PCDH15: variants seen among roughly 807,000 people sequenced by gnomAD.
The protein encoded by PCDH15 is protocadherin related 15, also known as protocadherin-15.
In PCDH15, 129 loss-of-function variants were observed where a neutral mutation model predicts 178.5. The observed-to-expected ratio is 0.72, with a 90% CI of 0.63 to 0.84. The LOEUF is 0.84. Among genes scored for constraint, PCDH15 ranks in the 40% least tolerant of loss-of-function variants. PCDH15 has a pLI of 0.00. For missense variants in PCDH15, 2,230 were observed against 2,099.9 expected (o/e 1.06, Z -1.21); for synonymous variants, 800 against 732.0 (o/e 1.09, Z -1.50).
At chr10:53,936,540 C>T (rs2085588876) in intron 25 of PCDH15, among the ~76,000 whole-genome samples, 1 of 151,980 alleles carries the variant, frequency 6.6e-6, no homozygotes, top group Admixed American at 6.6e-5. Context: ...TGGAGGTTCA[C>T]CGTAATATTC....
intron 1 of PCDH15, among the ~76,000 whole-genome samples, chr10:55,250,776 C>A (rs999292276): frequency 6.6e-6 from 1 of 151,714 alleles, no homozygotes; most frequent in Non-Finnish European, 1.5e-5. Flanking sequence ...ACCTCGTGAT[C>A]CACCCGCCTC....
intron 2 of PCDH15, among the ~76,000 whole-genome samples, chr10:55,531,191 C>T (rs796445223): frequency 2.3e-4 from 35 of 152,022 alleles, no homozygotes; most frequent in African/African-American, 7.9e-4. Context: ...GATGTAGTGA[C>T]AAGTTCACTT....
chr10:54,631,142 C>T (rs1291095010), intron 2 of PCDH15, among the ~76,000 whole-genome samples: 1 of 152,032 alleles, frequency 6.6e-6, no homozygotes, highest in Non-Finnish European at 1.5e-5. Flanking sequence ...TGGTGCTGTC[C>T]TCATGACAGT....
At chr10:54,273,986 G>A (rs2058198290) in intron 8 of PCDH15, among the ~76,000 whole-genome samples, 1 of 151,998 alleles carries the variant, frequency 6.6e-6, no homozygotes, top group Admixed American at 6.6e-5. Flanking sequence ...TTCTTTGCAG[G>A]GATGTGGATG....
At chr10:53,944,203 T>A (rs893050938) in intron 23 of PCDH15, among the ~76,000 whole-genome samples, 1 of 152,172 alleles carries the variant, frequency 6.6e-6, no homozygotes, top group African/African-American at 2.4e-5. Context: ...TAAAGGAAAT[T>A]GAAAATTTTG....
chr10:54,408,203 A>C (rs888223718), intron 3 of PCDH15, among the ~76,000 whole-genome samples: 1 of 151,760 alleles, frequency 6.6e-6, no homozygotes, highest in Non-Finnish European at 1.5e-5. Flanking sequence ...CTTTCTCTCT[A>C]TATAGAACTA....
intron 2 of PCDH15, among the ~76,000 whole-genome samples, chr10:55,527,867 G>C (rs1841337665): frequency 6.6e-6 from 1 of 151,730 alleles, no homozygotes; most frequent in Non-Finnish European, 1.5e-5. Context: ...TTTTTCTTCT[G>C]ACAACAATGA....
At chr10:54,482,424 G>A (rs560644946) in intron 3 of PCDH15, among the ~76,000 whole-genome samples, 16 of 151,852 alleles carry the variant, frequency 1.1e-4, no homozygotes, top group Admixed American at 9.9e-4. Context: ...TTAAAAGAAT[G>A]CCCAGAAAAT....
At chr10:54,263,464 A>T (rs1029196914) in intron 8 of PCDH15, among the ~76,000 whole-genome samples, 2 of 152,208 alleles carry the variant, frequency 1.3e-5, no homozygotes, top group African/African-American at 4.8e-5. Flanking sequence ...CACTGAAAGA[A>T]GTTGTTTCTC....
intron 3 of PCDH15, among the ~76,000 whole-genome samples, chr10:54,887,484 C>A (rs1392577545): frequency 1.3e-5 from 2 of 151,960 alleles, no homozygotes; most frequent in Admixed American, 6.6e-5. Context: ...TCATTATAAT[C>A]AAATTTTATC....
At chr10:54,226,335 C>T (rs997411662) in intron 9 of PCDH15, among the ~76,000 whole-genome samples, 1 of 152,136 alleles carries the variant, frequency 6.6e-6, no homozygotes, top group Non-Finnish European at 1.5e-5. Flanking sequence ...ATGAGAACAG[C>T]AACGGAAAGA....
chr10:55,623,555 A>C (rs1837455051), intron 2 of PCDH15, among the ~76,000 whole-genome samples: 1 of 152,062 alleles, frequency 6.6e-6, no homozygotes, highest in Admixed American at 6.6e-5. Flanking sequence ...TGAACATAGG[A>C]CAGGGATGAG....
intron 3 of PCDH15, among the ~76,000 whole-genome samples, chr10:54,840,293 A>G (rs1172053329): frequency 1.3e-5 from 2 of 152,068 alleles, no homozygotes; most frequent in Non-Finnish European, 1.5e-5. Context: ...GTAAAGTGTA[A>G]CATTGATAGC....
At chr10:55,420,046 G>C (rs74875656) in intron 2 of PCDH15, among the ~76,000 whole-genome samples, 3 of 151,578 alleles carry the variant, frequency 2.0e-5, no homozygotes, top group African/African-American at 7.3e-5. Flanking sequence ...AAAATCCGCT[G>C]GGTAGATGAG....
intron 1 of PCDH15, among the ~76,000 whole-genome samples, chr10:54,709,001 A>C (rs2095398076): frequency 6.6e-6 from 1 of 152,158 alleles, no homozygotes; most frequent in Admixed American, 6.5e-5. Flanking sequence ...ATCATGTTGT[A>C]AAGTGAGTGC....
At chr10:53,906,285 T>C (rs371420210) in intron 25 of PCDH15, among the ~76,000 whole-genome samples, 13 of 152,164 alleles carry the variant, frequency 8.5e-5, no homozygotes, top group African/African-American at 2.9e-4. Context: ...CTGATAACTT[T>C]AGGCAGTTGT....
chr10:55,586,699 T>G (rs1842733098), intron 2 of PCDH15, among the ~76,000 whole-genome samples: 1 of 152,204 alleles, frequency 6.6e-6, no homozygotes, highest in Admixed American at 6.5e-5. Context: ...AACAAATGTA[T>G]GTTTTAAGTT....
intron 18 of PCDH15, among the ~76,000 whole-genome samples, chr10:54,034,712 C>T (rs764665039): frequency 1.3e-5 from 2 of 151,974 alleles, no homozygotes; most frequent in South Asian, 4.1e-4. Flanking sequence ...CCTTTTCCAG[C>T]TGCCTTCCTT....
rs1271707477 is a variant in PCDH15 at position 53,818,017 on chromosome 10, C to T, written c.4434-4G>A. ...TACCTCTGATCCATAACCTCTCCTG[C>T]AAGGCAGAAATAAATAAATCAGTAT... is the stretch of plus-strand genomic sequence containing the variant. On this transcript the variant is annotated splice_polypyrimidine_tract_variant and splice_region_variant and intron_variant, in intron 33 of 37. Transcript: ENST00000644397. 4 of 398,484 alleles carry T rather than the reference C, an allele frequency of 1.0e-5. No individual in the cohort carries two copies. Among genetic ancestry groups the T allele is most frequent in the African/African-American group, 2.1e-5 (1 of 48,592 alleles). 24.7% of individuals were successfully genotyped at this position (398,484 alleles called of 1,614,324 possible).
Sources: allele counts gnomAD v4.1 joint callset (sites outside exome capture counted in the v4.1 genomes callset), GRCh38; gene constraint gnomAD v4.1.1; transcripts MANE v1.5; gene names NCBI Gene and HGNC (gene_info 2026-07-23, HGNC 2026-07-21).